The following PI4KA variants were observed in gnomAD, a reference collection of about 807,000 sequenced individuals.
PI4KA encodes phosphatidylinositol 4-kinase alpha.
PI4KA carries 122 observed loss-of-function variants against 271.4 expected under a neutral mutation model. The observed-to-expected ratio is 0.45, with a 90% CI of 0.39 to 0.52. The LOEUF is 0.52. Among genes scored for constraint, PI4KA ranks in the 20% least tolerant of loss-of-function variants. PI4KA has a pLI of 0.00. For missense variants in PI4KA, 1,969 were observed against 2,769.1 expected, an observed-to-expected ratio of 0.71 and a Z score of 6.48; for synonymous variants, 1,041 against 1,078.8, an observed-to-expected ratio of 0.96 and a Z score of 0.69.
intron 7 of PI4KA, among the ~76,000 whole-genome samples, chr22:20,817,659 A>C (rs1921985253): frequency 7.6e-6 from 1 of 131,174 alleles, no homozygotes; most frequent in Admixed American, 9.3e-5. Context: ...ACTTGAGCCC[A>C]GAAGGTTGAA....
At chr22:20,849,670 C>G (rs141113260) in intron 1 of PI4KA, among the ~76,000 whole-genome samples, 1 of 151,892 alleles carries the variant, frequency 6.6e-6, no homozygotes, top group Non-Finnish European at 1.5e-5. Context: ...CCGGCTAACA[C>G]GATGAAACCC....
rs567781562 is a variant in PI4KA at position 20,766,500 on chromosome 22, C to T, written c.2329-807G>A. 3.3e-5 allele frequency among the ~76,000 whole-genome samples: 5 copies of T among 152,248 alleles called. No homozygotes were observed. In the South Asian group the frequency reaches 1.0e-3, roughly 32 times the overall value. ...CCAACATGGTGAAACCCCATCTCTA[C>T]TAAAAATACAAAAAATTAGCTGGGC... On this transcript the variant is annotated intron_variant, in intron 19 of 54. Coordinates refer to ENST00000255882, the MANE Select transcript of PI4KA (RefSeq NM_058004.4).
At chr22:20,757,833 C>G (rs1293873832) in intron 23 of PI4KA, among the ~76,000 whole-genome samples, 1 of 152,104 alleles carries the variant, frequency 6.6e-6, no homozygotes, top group Non-Finnish European at 1.5e-5. Context: ...CGTGAGCTAC[C>G]GCACCCAGCC....
In PI4KA at chr22:20,803,294, G is replaced by A. The variant is rs754742762; in HGVS notation, c.1488C>T (p.Phe496=). 3 of 1,613,976 alleles carry A rather than the reference G, an allele frequency of 1.9e-6. No homozygotes were observed. The highest frequency in any genetic ancestry group is 2.5e-6 in the Non-Finnish European group (3 of 1,179,974). ...LQGLGRLCER[F]PVVVHSVTPS... The stretch of plus-strand genomic sequence containing the variant: ...GTGTCACAGAGTGCACCACCACCGG[G>A]AACCTCTCGCACAGGCGGCCCAAAC... Residue 496 remains phenylalanine, a synonymous_variant, in exon 13 of 55, where the codon TTC becomes TTT. Coordinates refer to ENST00000255882, the MANE Select transcript of PI4KA (RefSeq NM_058004.4).
At chr22:20,826,651 A>G (rs1923457504) in intron 3 of PI4KA, among the ~76,000 whole-genome samples, 1 of 152,222 alleles carries the variant, frequency 6.6e-6, no homozygotes, top group Non-Finnish European at 1.5e-5. Context: ...TGGCTGAACT[A>G]ATTTACATTC....
rs188903569 is a variant in PI4KA, at chr22:20,722,693, A to G, written c.4996-1275T>C. Among the ~76,000 whole-genome samples, 6 of 152,328 alleles carry G rather than the reference A, an allele frequency of 3.9e-5. No individual in the cohort carries two copies. In the East Asian group the frequency reaches 1.2e-3, roughly 29 times the overall value. On this transcript the variant is annotated intron_variant, in intron 42 of 54. Coordinates refer to ENST00000255882, the MANE Select transcript of PI4KA (RefSeq NM_058004.4). ...TTTTAATTCCATGCCCTAGGTTTAA[A>G]AAGGTGAGCTGGCCTTTCTGGGCAG...
At chr22:20,776,610 C>T (rs556526231) in intron 19 of PI4KA, among the ~76,000 whole-genome samples, 1 of 152,262 alleles carries the variant, frequency 6.6e-6, no homozygotes, top group African/African-American at 2.4e-5. Flanking sequence ...CTCTGCACGG[C>T]CAGGGAGTCT....
chr22:20,726,753 G>C (rs892736372), intron 41 of PI4KA, among the ~76,000 whole-genome samples: 2 of 152,238 alleles, frequency 1.3e-5, no homozygotes, highest in African/African-American at 4.8e-5. Flanking sequence ...CAGCGGGCGA[G>C]GGCCTCGTGC....
intron 14 of PI4KA, among the ~76,000 whole-genome samples, chr22:20,800,529 T>C (rs1935234691): frequency 6.6e-6 from 1 of 152,078 alleles, no homozygotes; most frequent in African/African-American, 2.4e-5. Context: ...TGGATAATCC[T>C]TCTCTTTTTA....
chr22:20,847,364 A>C lies in PI4KA; in HGVS notation c.157-8633T>G, dbSNP rs571845727. 5.3e-5 allele frequency among the ~76,000 whole-genome samples: 8 copies of C among 152,334 alleles called. No individual in the cohort carries two copies. The South Asian group carries it at 1.4e-3, about 28-fold the overall frequency. On this transcript the variant is annotated intron_variant, in intron 1 of 54. Coordinates refer to ENST00000255882, the MANE Select transcript of PI4KA (RefSeq NM_058004.4). ...CACTTTGGGAGGCCAAGGCAGGAGG[A>C]TTGCTTGAACCCAGGAGTTTGAGAC...
At chr22:20,857,897 CCTTTCT>C (rs1476182576) in intron 1 of PI4KA, among the ~76,000 whole-genome samples, 4 of 152,214 alleles carry the variant, frequency 2.6e-5, no homozygotes, top group Admixed American at 2.6e-4. Flanking sequence ...CATGACTTCA[CCTTTCT>C]CTTCTGAAGC....
intron 30 of PI4KA, chr22:20,742,974 T>G: frequency 1.8e-6 from 1 of 561,396 alleles, no homozygotes; most frequent in East Asian, 3.0e-5. Context: ...CCTCTAGAAA[T>G]GCATGTTGGC....
rs374602743 is a variant in PI4KA at position 20,732,922 on chromosome 22, C to A, written c.4288+49G>T. Reference sequence around the variant, plus strand: ...ACCCTCGGGGCAGCCCACGTGGCACCCCTGTCCTGCCTGCCTCCACCATGA... The same window carrying A: ...ACCCTCGGGGCAGCCCACGTGGCACACCTGTCCTGCCTGCCTCCACCATGA... On this transcript the variant is annotated intron_variant, in intron 36 of 54. Coordinates refer to ENST00000255882, the MANE Select transcript of PI4KA (RefSeq NM_058004.4). 3.3e-4 allele frequency: 534 copies of A among 1,608,808 alleles called. No homozygotes were observed. In the African/African-American group the frequency reaches 6.6e-3, roughly 20 times the overall value.
intron 29 of PI4KA, among the ~76,000 whole-genome samples, chr22:20,745,457 A>G (rs376776336): frequency 7.9e-5 from 12 of 152,044 alleles, no homozygotes; most frequent in Non-Finnish European, 1.5e-4. Flanking sequence ...GAGCTTCTCA[A>G]CTGTTTTGAG....
chr22:20,808,658 A>G (rs1935817134), intron 9 of PI4KA, among the ~76,000 whole-genome samples: 1 of 150,672 alleles, frequency 6.6e-6, no homozygotes, highest in Admixed American at 6.6e-5. Context: ...ATGGAAAATT[A>G]TGGTTTATCA....
rs1303884468 is a variant in PI4KA, at chr22:20,819,684, C to T, written c.746G>A (p.Gly249Asp). The T allele has an allele frequency of 5.6e-6, 9 of 1,613,896 alleles. No individual in the cohort carries two copies. Among genetic ancestry groups the T allele is most frequent in the Non-Finnish European group, 7.6e-6 (9 of 1,179,914 alleles). The change falls in exon 6 of 55, where the codon GGT (glycine) becomes GAT (aspartate). Residue 249 changes from glycine (G) to aspartate (D), a missense_variant. By Grantham distance (94) the Gly-to-Asp change is moderately conservative. Coordinates refer to ENST00000255882, the MANE Select transcript of PI4KA (RefSeq NM_058004.4). ...PSNLLTVCQEGTLKRKTSSVS... is the reference protein window; with the variant it reads ...PSNLLTVCQEDTLKRKTSSVS... ...ACTGCTGGTTTTCCTCTTCAGGGTA[C>T]CCTCCTGACAGACAGTCAGCAGATT... is the stretch of plus-strand genomic sequence containing the variant.
intron 19 of PI4KA, among the ~76,000 whole-genome samples, chr22:20,783,051 T>C (rs1430927914): frequency 6.6e-6 from 1 of 152,188 alleles, no homozygotes; most frequent in African/African-American, 2.4e-5. Flanking sequence ...ACAACTTGCA[T>C]GTTGCTAGGA....
At chr22:20,837,147 G>C (rs903239116) in intron 2 of PI4KA, among the ~76,000 whole-genome samples, 1 of 152,188 alleles carries the variant, frequency 6.6e-6, no homozygotes, top group Non-Finnish European at 1.5e-5. Context: ...CCAGCACTTT[G>C]GGAGGCCTAG....
Position 20,804,569 on chromosome 22 carries a change from C to T in PI4KA, c.1361-169G>A, listed in dbSNP as rs956115942. 9.2e-5 allele frequency among the ~76,000 whole-genome samples: 14 copies of T among 152,180 alleles called. 1 individual carries two copies. The highest frequency in any genetic ancestry group is 3.4e-4 in the African/African-American group (14 of 41,450). ...GTGTGTGACACTCTCTCTCTCTTCTCCGCTGGCCCTAAGCCCCCTTGTCCC... is the reference window on the plus strand; with the variant it reads ...GTGTGTGACACTCTCTCTCTCTTCTTCGCTGGCCCTAAGCCCCCTTGTCCC... On this transcript the variant is annotated intron_variant, in intron 11 of 54. Transcript: ENST00000255882.
Sources: gnomAD v4.1 joint callset for allele counts (sites outside exome capture counted in the v4.1 genomes callset) on GRCh38, gnomAD v4.1.1 for gene constraint, MANE v1.5 for transcripts, NCBI Gene and HGNC (gene_info 2026-07-23, HGNC 2026-07-21) for gene names.